The following CERS1 variants were observed in gnomAD, a reference collection of about 807,000 sequenced individuals.
The protein encoded by CERS1 is ceramide synthase 1.
CERS1 carries 16 observed loss-of-function variants against 35.7 expected under a neutral mutation model. The ratio of observed to expected loss-of-function variants is 0.45; its 90% CI spans 0.30 to 0.68. CERS1 has a LOEUF of 0.68. Among genes scored for constraint, CERS1 ranks in the 30% least tolerant of loss-of-function variants. The probability of loss-of-function intolerance (pLI) is 0.08; values close to 1 mark genes in which losing one functional copy is unlikely to be tolerated. For missense variants in CERS1, 454 were observed against 453.9 expected (o/e 1.00, Z 0.00); for synonymous variants, 243 against 201.6 (o/e 1.21, Z -1.74).
At position 18,870,438 on chromosome 19, in the gene CERS1, T is replaced by A; in HGVS notation, c.*139A>T. On this transcript the variant is annotated 3_prime_UTR_variant, in exon 7 of 8. Transcript: ENST00000623882. This position sits in a 1 kb window ranked among gnomAD's most constrained non-coding sequence, Gnocchi z 5.1. ...GCGTGGCCGGGAACTGGAGGCAGGATGAGGGGGCGGGGTCCCAGGGGAGGT... is the reference window on the plus strand; with the variant it reads ...GCGTGGCCGGGAACTGGAGGCAGGAAGAGGGGGCGGGGTCCCAGGGGAGGT... The A allele has an allele frequency of 1.4e-6, 1 of 725,456 alleles. No homozygotes were observed. The highest frequency in any genetic ancestry group is 2.0e-6 in the Non-Finnish European group (1 of 495,112). The allele number at this position is 725,456 out of a possible 1,614,324, so 44.9% of individuals were successfully genotyped here.
At position 18,868,999 on chromosome 19, in the gene CERS1, G is replaced by A; in HGVS notation, c.*986C>T. On this transcript the variant is annotated 3_prime_UTR_variant, in exon 8 of 8. Transcript: ENST00000623882. ...GGGGGTGGCACAGGCGCGGGTCGAGGGTCACCAGCAGCAGCGAGGCCTCGG... is the reference window on the plus strand; with the variant it reads ...GGGGGTGGCACAGGCGCGGGTCGAGAGTCACCAGCAGCAGCGAGGCCTCGG... 1 of 1,104,010 alleles carries A rather than the reference G, an allele frequency of 9.1e-7. No homozygotes were observed. The highest frequency in any genetic ancestry group is 4.1e-5 in the South Asian group (1 of 24,568). 68.4% of individuals were successfully genotyped at this position (1,104,010 alleles called of 1,614,324 possible).
intron 2 of CERS1, among the ~76,000 whole-genome samples, chr19:18,890,780 G>A (rs2056469759): frequency 8.5e-6 from 1 of 117,880 alleles, no homozygotes; most frequent in African/African-American, 2.9e-5. Context: ...GACCGCGTCT[G>A]GGGAAAAAAA....
At position 18,869,205 on chromosome 19, in the gene CERS1, C is replaced by G. The variant is rs2055913332; in HGVS notation, c.*780G>C. The G allele has an allele frequency of 1.6e-6, 2 of 1,270,024 alleles. No individual in the cohort carries two copies. Among genetic ancestry groups the G allele is most frequent in the African/African-American group, 3.2e-5 (2 of 62,700 alleles). 78.7% of individuals were successfully genotyped at this position (1,270,024 alleles called of 1,614,324 possible). On this transcript the variant is annotated 3_prime_UTR_variant, in exon 8 of 8. Transcript: ENST00000623882. ...CCGGGGTCCGCGCCCGCGCCCTGGCCCGCTTGCGCCACGCTCAGCTCCCAG... is the reference window on the plus strand; with the variant it reads ...CCGGGGTCCGCGCCCGCGCCCTGGCGCGCTTGCGCCACGCTCAGCTCCCAG...
At chr19:18,880,171 A>G in intron 4 of CERS1, 103 bp downstream of exon 4, 2 of 1,181,792 alleles carry the variant, frequency 1.7e-6, no homozygotes, top group South Asian at 1.6e-5. Context: ...CACCCACCTC[A>G]CCGGGCCCCG....
Position 18,880,239 on chromosome 19 carries a change from A to G in CERS1, c.752+35T>C, listed in dbSNP as rs966845888. 6 of 1,515,026 alleles carry G rather than the reference A, an allele frequency of 4.0e-6. No individual in the cohort carries two copies. The African/African-American group carries it at 8.3e-5, about 21-fold the overall frequency. 93.8% of individuals were successfully genotyped at this position (1,515,026 alleles called of 1,614,324 possible). A position where few individuals can be genotyped will look rare whatever the true frequency, so the allele number is the denominator to read the frequency against. ...GGACACACCCACCTCACCAGGCCAC[A>G]CCTCCCTCCCTGCCCAGCACTCCCT... On this transcript the variant is annotated intron_variant, in intron 4 of 7. Coordinates refer to ENST00000623882, the MANE Select transcript of CERS1 (RefSeq NM_021267.5).
intron 1 of CERS1, among the ~76,000 whole-genome samples, chr19:18,893,830 C>T (rs1342683142): frequency 6.6e-6 from 1 of 151,250 alleles, no homozygotes; most frequent in East Asian, 2.0e-4. Context: ...AGCAGGAGGG[C>T]TCTGGGGGCC....
In CERS1 at chr19:18,872,031, C is replaced by G. The variant is rs556715521; in HGVS notation, c.1011-1412G>C. On this transcript the variant is annotated intron_variant, in intron 6 of 7. Transcript: ENST00000623882. ...CTCACTGTGTTTTCCAGAGGGTCCCCGTGCTTTCCATTCCTGCCCTCCAGG... is the reference window on the plus strand; with the variant it reads ...CTCACTGTGTTTTCCAGAGGGTCCCGGTGCTTTCCATTCCTGCCCTCCAGG... 3.6e-3 allele frequency among the ~76,000 whole-genome samples: 554 copies of G among 152,288 alleles called. 2 individuals carry two copies. Among genetic ancestry groups the G allele is most frequent in the African/African-American group, 0.013 (534 of 41,544 alleles).
Position 18,895,806 on chromosome 19 carries a change from G to GC in CERS1, c.249+17dup. 1.6e-6 allele frequency: 2 copies of GC among 1,223,218 alleles called. No homozygotes were observed. The highest frequency in any genetic ancestry group is 2.1e-6 in the Non-Finnish European group (2 of 973,154). 75.8% of individuals were successfully genotyped at this position (1,223,218 alleles called of 1,614,324 possible). A position where few individuals can be genotyped will look rare whatever the true frequency, so the allele number is the denominator to read the frequency against. On this transcript the variant is annotated intron_variant, in intron 1 of 7. Coordinates refer to ENST00000623882, the MANE Select transcript of CERS1 (RefSeq NM_021267.5). This position sits in a 1 kb window ranked among gnomAD's most constrained non-coding sequence, Gnocchi z 6.4. ...CCCAGTCCGGGGTCCCCTCGTCCCG[G>GC]CCCCCGGCCACACTGACCCGAAAGA...
intron 4 of CERS1, 128 bp from the exon 5 acceptor site, chr19:18,879,516 TC>T: frequency 8.8e-7 from 1 of 1,131,510 alleles, no homozygotes; most frequent in African/African-American, 1.6e-5. Flanking sequence ...CCCACCTGTT[TC>T]TACTACTGCT....
intron 2 of CERS1, among the ~76,000 whole-genome samples, chr19:18,887,023 G>C (rs1320835654): frequency 1.3e-5 from 2 of 152,212 alleles, no homozygotes; most frequent in East Asian, 3.8e-4. Flanking sequence ...GTGTGTGCCT[G>C]ACAATGGAAA....
chr19:18,891,705 G>C (rs538380218), intron 2 of CERS1, among the ~76,000 whole-genome samples: 1 of 151,828 alleles, frequency 6.6e-6, no homozygotes, highest in South Asian at 2.1e-4. Flanking sequence ...AGCCTCCCAA[G>C]TAGCTGGTAC....
In CERS1 at chr19:18,869,400, T is replaced by C. The variant is rs1232853512; in HGVS notation, c.*595-10A>G. 3 of 1,523,566 alleles carry C rather than the reference T, an allele frequency of 2.0e-6. No individual in the cohort carries two copies. The highest frequency in any genetic ancestry group is 2.5e-5 in the East Asian group (1 of 39,694). 94.4% of individuals were successfully genotyped at this position (1,523,566 alleles called of 1,614,324 possible). A position where few individuals can be genotyped will look rare whatever the true frequency, so the allele number is the denominator to read the frequency against. ...GCCCGGGTGGGCGCACCTGGGGAGG[T>C]AGGAACAGGAACTCGGCTCGCGCTG... On this transcript the variant is annotated splice_polypyrimidine_tract_variant and intron_variant, in intron 7 of 7. Transcript: ENST00000623882.
intron 2 of CERS1, among the ~76,000 whole-genome samples, chr19:18,890,290 A>C (rs947315827): frequency 2.0e-5 from 3 of 152,000 alleles, no homozygotes; most frequent in Non-Finnish European, 4.4e-5. Context: ...TCTCCACACA[A>C]GTTTTCTCAT....
In CERS1 at chr19:18,878,818, A is replaced by G; in HGVS notation, c.1010+112T>C. On this transcript the variant is annotated intron_variant, in intron 6 of 7. Transcript: ENST00000623882. The surrounding 1 kb of genome is among the most constrained non-coding windows in gnomAD (Gnocchi z 4.6). The stretch of plus-strand genomic sequence containing the variant: ...CTGTTTTGGAGTAGGCTTGGGGGGC[A>G]GCATCCGCGTCGGCCTCATCTGCTG... 1 of 1,496,166 alleles carries G rather than the reference A, an allele frequency of 6.7e-7. No individual in the cohort carries two copies. The highest frequency in any genetic ancestry group is 8.9e-7 in the Non-Finnish European group (1 of 1,123,172). 92.7% of individuals were successfully genotyped at this position (1,496,166 alleles called of 1,614,324 possible). A position where few individuals can be genotyped will look rare whatever the true frequency, so the allele number is the denominator to read the frequency against.
At chr19:18,879,945 T>C (rs1336267473) in intron 4 of CERS1, among the ~76,000 whole-genome samples, 3 of 148,696 alleles carry the variant, frequency 2.0e-5, no homozygotes, top group Non-Finnish European at 4.5e-5. Context: ...CCTGGCTTGC[T>C]CTGTATTAGT....
Position 18,869,100 on chromosome 19 carries a change from T to TG in CERS1, c.*884dup. On this transcript the variant is annotated 3_prime_UTR_variant, in exon 8 of 8. Coordinates refer to ENST00000623882, the MANE Select transcript of CERS1 (RefSeq NM_021267.5). ...CGGAGGCTGCGCGGCCATGAGGCGTTGCGAGCCCAAGCGGCGCCCAGCAGC... is the reference window on the plus strand; with the variant it reads ...CGGAGGCTGCGCGGCCATGAGGCGTTGGCGAGCCCAAGCGGCGCCCAGCAGC... 1 of 1,079,762 alleles carries TG rather than the reference T, an allele frequency of 9.3e-7. No homozygotes were observed. The highest frequency in any genetic ancestry group is 1.1e-6 in the Non-Finnish European group (1 of 889,980). 66.9% of individuals were successfully genotyped at this position (1,079,762 alleles called of 1,614,324 possible).
chr19:18,879,110 C>T (rs534280834), intron 5 of CERS1, 71 bp from the exon 6 acceptor site: 2 of 1,588,574 alleles, frequency 1.3e-6, no homozygotes, highest in East Asian at 4.6e-5. Flanking sequence ...CAGCCATGTG[C>T]TCCTGTCCCG....
intron 1 of CERS1, among the ~76,000 whole-genome samples, chr19:18,894,404 C>G (rs1015259907): frequency 6.6e-6 from 1 of 152,128 alleles, no homozygotes; most frequent in African/African-American, 2.4e-5. Context: ...TAACCCCTGG[C>G]AACCAGGCTG....
chr19:18,872,764 C>T (rs549971058), intron 6 of CERS1, among the ~76,000 whole-genome samples: 1 of 151,780 alleles, frequency 6.6e-6, no homozygotes, highest in Admixed American at 6.6e-5. Context: ...GATCCACCCG[C>T]CTCAGCCTCC....
Sources: gnomAD v4.1 joint callset for allele counts (sites outside exome capture counted in the v4.1 genomes callset) on GRCh38, gnomAD v4.1.1 for gene constraint, Gnocchi (gnomAD v3.1) non-coding constraint, MANE v1.5 for transcripts, NCBI Gene and HGNC (gene_info 2026-07-23, HGNC 2026-07-21) for gene names.